KIAA1549L: variants seen among roughly 807,000 people sequenced by gnomAD.
KIAA1549L encodes the protein KIAA1549 like.
A neutral mutation model predicts 160.7 loss-of-function variants in KIAA1549L; 88 were observed. That is an observed-to-expected ratio of 0.55 (90% CI 0.46 to 0.65). The LOEUF (loss-of-function observed/expected upper bound fraction) is 0.65. Among genes scored for constraint, KIAA1549L ranks in the 30% least tolerant of loss-of-function variants. The pLI is 0.00. For synonymous variants in KIAA1549L, 950 were observed against 976.7 expected, an observed-to-expected ratio of 0.97 and a Z score of 0.51; for missense variants, 2,258 against 2,437.5, an observed-to-expected ratio of 0.93 and a Z score of 1.55.
At chr11:33,609,345 A>T (rs2073174) in intron 14 of KIAA1549L, among the ~76,000 whole-genome samples, 52,825 of 152,206 alleles carry the variant, frequency 0.35, 9,680 homozygotes, top group Middle Eastern at 0.5. Flanking sequence ...AAGGGCAGCG[A>T]AGGCCACTGG....
intron 1 of KIAA1549L, among the ~76,000 whole-genome samples, chr11:33,442,875 G>T (rs1405260052): frequency 2.0e-5 from 3 of 151,866 alleles, no homozygotes; most frequent in African/African-American, 7.3e-5. Flanking sequence ...TTGTCTCTCT[G>T]TGCTGCACTC....
At chr11:33,449,918 G>C (rs185927242) in intron 1 of KIAA1549L, among the ~76,000 whole-genome samples, 1 of 152,298 alleles carries the variant, frequency 6.6e-6, no homozygotes, top group Admixed American at 6.5e-5. Context: ...CCCACAGAAA[G>C]CACATGCAGG....
chr11:33,528,785 A>G (rs954787922), intron 1 of KIAA1549L, among the ~76,000 whole-genome samples: 1 of 152,182 alleles, frequency 6.6e-6, no homozygotes, highest in African/African-American at 2.4e-5. Context: ...TGAGAATGCA[A>G]AGGCAGAAGA....
intron 1 of KIAA1549L, among the ~76,000 whole-genome samples, chr11:33,412,344 T>C (rs531807097): frequency 5.1e-4 from 78 of 152,358 alleles, no homozygotes; most frequent in African/African-American, 1.7e-3. Flanking sequence ...CTGTTGTATC[T>C]ATTCAAGTTG....
In KIAA1549L at chr11:33,539,846, G is replaced by A. The variant is rs142868519; in HGVS notation, c.239-1956G>A. 5.3e-5 allele frequency among the ~76,000 whole-genome samples: 8 copies of A among 152,352 alleles called. 1 individual carries two copies. Among genetic ancestry groups the A allele is most frequent in the South Asian group, 2.1e-4 (1 of 4,824 alleles). On this transcript the variant is annotated intron_variant, in intron 1 of 20. Transcript: ENST00000658780. Reference sequence around the variant, plus strand: ...TCCTCCCATGGGCTTAGAAGTGGGAGAGCCGGAAAGATATGGTCAGCATCA... The same window carrying A: ...TCCTCCCATGGGCTTAGAAGTGGGAAAGCCGGAAAGATATGGTCAGCATCA...
At chr11:33,612,468 G>C (rs1477877850) in intron 15 of KIAA1549L, among the ~76,000 whole-genome samples, 1 of 152,126 alleles carries the variant, frequency 6.6e-6, no homozygotes, top group East Asian at 1.9e-4. Flanking sequence ...TGTTGCTCAG[G>C]CTGGTCTCAA....
chr11:33,398,949 TG>T (rs1227031782), intron 1 of KIAA1549L, among the ~76,000 whole-genome samples: 3 of 82,112 alleles, frequency 3.7e-5, no homozygotes, highest in African/African-American at 1.4e-4. Flanking sequence ...CTCCAGTGAG[TG>T]TTTTTTTTTT....
chr11:33,595,452 C>T (rs1850173256), intron 12 of KIAA1549L, among the ~76,000 whole-genome samples: 1 of 152,184 alleles, frequency 6.6e-6, no homozygotes, highest in Non-Finnish European at 1.5e-5. Flanking sequence ...TGGTCTCAAA[C>T]TCCTGACCTC....
chr11:33,460,469 G>C (rs1225960900), intron 1 of KIAA1549L, among the ~76,000 whole-genome samples: 1 of 152,232 alleles, frequency 6.6e-6, no homozygotes, highest in Non-Finnish European at 1.5e-5. Flanking sequence ...GAGTTCATGG[G>C]TTCCTGGTGT....
chr11:33,596,819 G>T (rs988594206), intron 12 of KIAA1549L, among the ~76,000 whole-genome samples: 2 of 151,602 alleles, frequency 1.3e-5, no homozygotes, highest in African/African-American at 4.8e-5. Context: ...TTTTCTGGAC[G>T]CAAATTAAAG....
intron 6 of KIAA1549L, among the ~76,000 whole-genome samples, chr11:33,555,897 C>T (rs965496195): frequency 6.6e-6 from 1 of 152,022 alleles, no homozygotes; most frequent in African/African-American, 2.4e-5. Flanking sequence ...AAAATATTTG[C>T]AAATCATATA....
intron 1 of KIAA1549L, among the ~76,000 whole-genome samples, chr11:33,507,675 C>T (rs1236018744): frequency 6.6e-6 from 1 of 152,140 alleles, no homozygotes; most frequent in Non-Finnish European, 1.5e-5. Flanking sequence ...CCCTACCTGA[C>T]AAGGTATTTT....
intron 9 of KIAA1549L, among the ~76,000 whole-genome samples, chr11:33,572,370 T>G (rs1267480461): frequency 6.6e-6 from 1 of 152,190 alleles, no homozygotes; most frequent in African/African-American, 2.4e-5. Flanking sequence ...GTTGATAAAA[T>G]TATAGTCAAC....
At chr11:33,390,982 C>G (rs1290981857) in intron 1 of KIAA1549L, among the ~76,000 whole-genome samples, 1 of 152,168 alleles carries the variant, frequency 6.6e-6, no homozygotes, top group Non-Finnish European at 1.5e-5. Flanking sequence ...TGCACGATGT[C>G]TCCAAGGACT....
At chr11:33,629,759 T>C (rs1851224551) in intron 16 of KIAA1549L, among the ~76,000 whole-genome samples, 1 of 150,986 alleles carries the variant, frequency 6.6e-6, no homozygotes, top group Admixed American at 6.6e-5. Flanking sequence ...CGGAGTAATT[T>C]GATCGTCTGA....
intron 9 of KIAA1549L, among the ~76,000 whole-genome samples, chr11:33,571,681 A>C (rs1590355269): frequency 6.6e-6 from 1 of 152,198 alleles, no homozygotes. Context: ...CGAGGACAGC[A>C]CCAAGCCATG....
intron 15 of KIAA1549L, among the ~76,000 whole-genome samples, chr11:33,617,710 G>A (rs1401202274): frequency 2.0e-5 from 3 of 152,178 alleles, no homozygotes; most frequent in African/African-American, 4.8e-5. Context: ...GCCATAATCT[G>A]TTTTGTTCAC....
At chr11:33,455,004 G>C (rs1851793544) in intron 1 of KIAA1549L, among the ~76,000 whole-genome samples, 1 of 152,176 alleles carries the variant, frequency 6.6e-6, no homozygotes, top group Non-Finnish European at 1.5e-5. Context: ...CAGGAGAATG[G>C]CGTGAACCCA....
At chr11:33,662,660 G>A (rs2133450849) in intron 20 of KIAA1549L, among the ~76,000 whole-genome samples, 1 of 152,296 alleles carries the variant, frequency 6.6e-6, no homozygotes, top group South Asian at 2.1e-4. Context: ...CCTTACGCCT[G>A]CAGCTTTGAC....
Sources: gnomAD v4.1 joint callset for allele counts (sites outside exome capture counted in the v4.1 genomes callset) on GRCh38, gnomAD v4.1.1 for gene constraint, MANE v1.5 for transcripts, NCBI Gene and HGNC (gene_info 2026-07-23, HGNC 2026-07-21) for gene names.